Variants in WDR7 observed in about 807,000 individuals in gnomAD.
WDR7 encodes the protein WD repeat domain 7.
A neutral mutation model predicts 169.4 loss-of-function variants in WDR7; 46 were observed. That is an observed-to-expected ratio of 0.27 (90% CI 0.21 to 0.35). WDR7 has a LOEUF of 0.35. Among genes scored for constraint, WDR7 ranks in the 10% least tolerant of loss-of-function variants. The pLI is 1.00. For missense variants in WDR7, 1,534 were observed against 1,859.3 expected (o/e 0.83, Z 3.22); for synonymous variants, 612 against 666.8 (o/e 0.92, Z 1.27).
chr18:56,776,997 C>A, intron 17 of WDR7, 117 bp downstream of exon 17: 1 of 985,098 alleles, frequency 1.0e-6, no homozygotes, highest in Non-Finnish European at 1.6e-6. Context: ...TTCTAAAGTT[C>A]CCATTTTATG....
At chr18:56,927,021 A>G (rs879293416) in intron 22 of WDR7, among the ~76,000 whole-genome samples, 5 of 152,164 alleles carry the variant, frequency 3.3e-5, no homozygotes, top group Non-Finnish European at 5.9e-5. Context: ...TGTGATGTTA[A>G]GCTTGCTTTA....
intron 16 of WDR7, among the ~76,000 whole-genome samples, chr18:56,771,584 GAAA>G (rs572892576): frequency 1.4e-5 from 1 of 70,306 alleles, no homozygotes; most frequent in Admixed American, 1.8e-4. Flanking sequence ...CCCAAAAAAA[GAAA>G]AAAAAAAATA....
intron 25 of WDR7, among the ~76,000 whole-genome samples, chr18:56,958,131 C>T (rs1163490981): frequency 6.6e-6 from 1 of 152,122 alleles, no homozygotes; most frequent in Non-Finnish European, 1.5e-5. Context: ...GTTTGGCAAA[C>T]TCCCAAGCAA....
At chr18:56,753,834 T>A (rs1461342457) in intron 14 of WDR7, among the ~76,000 whole-genome samples, 3 of 151,980 alleles carry the variant, frequency 2.0e-5, no homozygotes, top group African/African-American at 7.2e-5. Flanking sequence ...GCTCGGAAGG[T>A]ATTTGATGTC....
At chr18:57,015,948 A>G (rs2048199811) in intron 26 of WDR7, among the ~76,000 whole-genome samples, 1 of 152,184 alleles carries the variant, frequency 6.6e-6, no homozygotes, top group African/African-American at 2.4e-5. Context: ...GGCTCACCCT[A>G]AAGTCAGGGC....
At chr18:56,693,944 A>T (rs1295263552) in intron 9 of WDR7, among the ~76,000 whole-genome samples, 3 of 151,876 alleles carry the variant, frequency 2.0e-5, no homozygotes, top group Admixed American at 6.6e-5. Flanking sequence ...ATGATAGTTC[A>T]CTGTAGCTTC....
chr18:56,961,314 A>T (rs1218879059), intron 25 of WDR7, among the ~76,000 whole-genome samples: 1 of 151,384 alleles, frequency 6.6e-6, no homozygotes, highest in Admixed American at 6.6e-5. Flanking sequence ...GAGAAATGAG[A>T]TTTTTTTTTC....
intron 1 of WDR7, among the ~76,000 whole-genome samples, chr18:56,663,564 G>A (rs577021392): frequency 2.0e-5 from 3 of 152,026 alleles, no homozygotes; most frequent in African/African-American, 7.2e-5. Flanking sequence ...CACAAAATAT[G>A]TACACATATA....
chr18:56,822,049 C>T (rs544225515), intron 20 of WDR7, among the ~76,000 whole-genome samples: 2 of 152,012 alleles, frequency 1.3e-5, no homozygotes, highest in South Asian at 4.2e-4. Context: ...TCCTCAAACT[C>T]CCGAGTAGCT....
chr18:56,776,943 T>A (rs1358066125), intron 17 of WDR7, 63 bp downstream of exon 17: 1 of 1,430,894 alleles, frequency 7.0e-7, no homozygotes, highest in Admixed American at 1.7e-5. Context: ...AGACATGTTC[T>A]TTTTATCTGA....
intron 20 of WDR7, 82 bp downstream of exon 20, chr18:56,816,226 A>C (rs2044968112): frequency 8.1e-7 from 1 of 1,230,738 alleles, no homozygotes. Context: ...TGGTGGGATT[A>C]AGTATTTCGA....
chr18:57,002,461 A>G (rs927791299), intron 26 of WDR7, among the ~76,000 whole-genome samples: 2 of 152,190 alleles, frequency 1.3e-5, no homozygotes, highest in African/African-American at 4.8e-5. Flanking sequence ...TTTGTTAAGT[A>G]TCCAGGAAAG....
chr18:57,007,249 G>C (rs1226189914), intron 26 of WDR7, among the ~76,000 whole-genome samples: 1 of 152,068 alleles, frequency 6.6e-6, no homozygotes, highest in Non-Finnish European at 1.5e-5. Flanking sequence ...AAAGTGCTGG[G>C]ATTACAGGCG....
At chr18:57,001,900 A>G (rs1468020263) in intron 26 of WDR7, among the ~76,000 whole-genome samples, 1 of 152,210 alleles carries the variant, frequency 6.6e-6, no homozygotes, top group African/African-American at 2.4e-5. Context: ...TTCTGGATAT[A>G]GAATACCAAA....
At chr18:56,936,887 ATATG>A (rs1173646373) in intron 23 of WDR7, among the ~76,000 whole-genome samples, 1 of 152,340 alleles carries the variant, frequency 6.6e-6, no homozygotes, top group East Asian at 1.9e-4. Flanking sequence ...TAAAATGCAC[ATATG>A]TATGTATTTA....
chr18:56,898,159 C>T (rs1399103872), intron 21 of WDR7, among the ~76,000 whole-genome samples: 2 of 151,850 alleles, frequency 1.3e-5, no homozygotes, highest in African/African-American at 4.8e-5. Context: ...GAAGGTGCTT[C>T]TAATAGCCAA....
chr18:56,964,666 G>A (rs539492733), intron 26 of WDR7, among the ~76,000 whole-genome samples: 2 of 152,194 alleles, frequency 1.3e-5, no homozygotes, highest in South Asian at 4.2e-4. Context: ...GGGACTACAG[G>A]CATGAGCCAC....
chr18:56,711,380 C>G (rs1190682662), intron 12 of WDR7, among the ~76,000 whole-genome samples: 1 of 151,938 alleles, frequency 6.6e-6, no homozygotes, highest in Non-Finnish European at 1.5e-5. Context: ...TAAAAAATAT[C>G]TGCTCCTCTC....
At chr18:56,672,832 T>C (rs899011471) in intron 2 of WDR7, among the ~76,000 whole-genome samples, 158 bp downstream of exon 2, 1 of 152,212 alleles carries the variant, frequency 6.6e-6, no homozygotes, top group African/African-American at 2.4e-5. Flanking sequence ...ATTTACACTA[T>C]TCATCAGAGT....
Sources: gnomAD v4.1 joint callset for allele counts (sites outside exome capture counted in the v4.1 genomes callset) on GRCh38, gnomAD v4.1.1 for gene constraint, MANE v1.5 for transcripts, NCBI Gene and HGNC (gene_info 2026-07-23, HGNC 2026-07-21) for gene names.